The following NR2E3 variants were observed in gnomAD, a reference collection of about 807,000 sequenced individuals.
NR2E3 encodes photoreceptor-specific nuclear receptor.
In NR2E3, 38 loss-of-function variants were observed where a neutral mutation model predicts 37.6. The observed-to-expected ratio is 1.01, with a 90% CI of 0.78 to 1.33. The LOEUF (loss-of-function observed/expected upper bound fraction) is 1.33, where lower values mean the gene tolerates loss of function less well. NR2E3 is among the 40% of genes most tolerant of loss of function. The pLI is 0.00. For synonymous variants in NR2E3, 235 were observed against 225.1 expected, an observed-to-expected ratio of 1.04 and a Z score of -0.39; for missense variants, 562 against 558.7, an observed-to-expected ratio of 1.01 and a Z score of -0.06.
chr15:71,817,089 CT>C (rs1306321239), intron 7 of NR2E3, among the ~76,000 whole-genome samples: 1 of 146,310 alleles, frequency 6.8e-6, no homozygotes, highest in Non-Finnish European at 1.5e-5. Context: ...GTTAATGCGG[CT>C]TTTCTTTTTT....
intron 7 of NR2E3, among the ~76,000 whole-genome samples, chr15:71,815,728 A>G (rs1179641721): frequency 6.6e-6 from 1 of 152,168 alleles, no homozygotes; most frequent in Non-Finnish European, 1.5e-5. Flanking sequence ...GCCCCCTGAT[A>G]TGCACACAGA....
In NR2E3 at chr15:71,812,331, A is replaced by G; in HGVS notation, c.572-5A>G. The G allele has an allele frequency of 6.2e-7, 1 of 1,613,518 alleles. No homozygotes were observed. On this transcript the variant is annotated splice_polypyrimidine_tract_variant and splice_region_variant and intron_variant, in intron 4 of 7. Transcript: ENST00000617575. ...CGCTAAGATCACAACCTCCTCCTCCAACAGCTGATGAGAATATTGATGTCA... is the reference window on the plus strand; with the variant it reads ...CGCTAAGATCACAACCTCCTCCTCCGACAGCTGATGAGAATATTGATGTCA...
chr15:71,816,314 G>A lies in NR2E3; in HGVS notation c.1101-1238G>A, dbSNP rs569371982. On this transcript the variant is annotated intron_variant, in intron 7 of 7. Transcript: ENST00000617575. ...CTCTCTCTGTCACCCAGGCTGGAGC[G>A]CAGTGGCGTGATCTCGGTTCACTGC... Among the ~76,000 whole-genome samples, 10 of 146,416 alleles carry A rather than the reference G, an allele frequency of 6.8e-5. 1 individual carries two copies. The South Asian group carries it at 1.7e-3, about 25-fold the overall frequency.
intron 1 of NR2E3, 77 bp downstream of exon 1, chr15:71,810,938 A>G (rs1361691529): frequency 1.4e-6 from 2 of 1,389,684 alleles, no homozygotes; most frequent in Non-Finnish European, 1.9e-6. Flanking sequence ...CGCAGGGACC[A>G]TGGAAGGAGC....
chr15:71,813,912 A>T lies in NR2E3; in HGVS notation c.995-100A>T. 6.5e-7 allele frequency: 1 copy of T among 1,542,824 alleles called. No homozygotes were observed. The highest frequency in any genetic ancestry group is 8.7e-7 in the Non-Finnish European group (1 of 1,146,822). On this transcript the variant is annotated intron_variant, in intron 6 of 7. Transcript: ENST00000617575. This position sits in a 1 kb window ranked among gnomAD's most constrained non-coding sequence, Gnocchi z 4.7. ...GGCAGAGCCCACCCCACAGGGCCCCAGGTCCATGTCTGCAGCCAGAACCCT... is the reference window on the plus strand; with the variant it reads ...GGCAGAGCCCACCCCACAGGGCCCCTGGTCCATGTCTGCAGCCAGAACCCT...
rs1352056746 is a variant in NR2E3, at chr15:71,811,355, G to A, written c.119-128G>A. 6.3e-6 allele frequency: 5 copies of A among 792,586 alleles called. No homozygotes were observed. The highest frequency in any genetic ancestry group is 1.7e-5 in the South Asian group (1 of 57,962). 49.1% of individuals were successfully genotyped at this position (792,586 alleles called of 1,614,324 possible). A position where few individuals can be genotyped will look rare whatever the true frequency, so the allele number is the denominator to read the frequency against. ...ACTTCTCCAGATGGAAGAGTCACGC[G>A]TGGGTTCGTTCAAATGCGGGTGAGC... On this transcript the variant is annotated intron_variant, in intron 1 of 7. Coordinates refer to ENST00000617575, the MANE Select transcript of NR2E3 (RefSeq NM_014249.4). This position sits in a 1 kb window ranked among gnomAD's most constrained non-coding sequence, Gnocchi z 5.6.
At chr15:71,812,284 C>T in intron 4 of NR2E3, 52 bp from the exon 5 acceptor site, 1 of 1,613,056 alleles carries the variant, frequency 6.2e-7, no homozygotes, top group Non-Finnish European at 8.5e-7. Context: ...CAAGTACTCC[C>T]TGCCACCTCC....
chr15:71,812,557 A>G (rs1342186774), intron 5 of NR2E3, 46 bp downstream of exon 5: 3 of 1,533,412 alleles, frequency 2.0e-6, no homozygotes, highest in Non-Finnish European at 2.6e-6. Flanking sequence ...GGCTGGGGTC[A>G]GGCGGCCCAC....
In NR2E3 at chr15:71,813,967, C is replaced by T. The variant is rs755136911; in HGVS notation, c.995-45C>T. 7.6e-6 allele frequency: 12 copies of T among 1,582,652 alleles called. No individual in the cohort carries two copies. The highest frequency in any genetic ancestry group is 1.0e-5 in the Non-Finnish European group (12 of 1,165,822). ...CACCACTTCATGGCCAGCCTTATAACAGCCGTAAACCTGTGCTAAGCTCAC... is the reference window on the plus strand; with the variant it reads ...CACCACTTCATGGCCAGCCTTATAATAGCCGTAAACCTGTGCTAAGCTCAC... On this transcript the variant is annotated intron_variant, in intron 6 of 7. Transcript: ENST00000617575. This position sits in a 1 kb window ranked among gnomAD's most constrained non-coding sequence, Gnocchi z 4.7.
rs767304567 is a variant in NR2E3 at position 71,811,586 on chromosome 15, C to T, written c.222C>T (p.Ser74=). Residue 74 remains serine (S), a synonymous_variant, in exon 2 of 8, where the codon AGC becomes AGT. Transcript: ENST00000617575. The surrounding 1 kb of genome is among the most constrained non-coding windows in gnomAD (Gnocchi z 5.6). ...GCTGCAGCGGCTTCTTCAAGAGGAG[C>T]GTACGGCGGAGGCTCATCTACAGGT... ...CNGCSGFFKR[S]VRRRLIYRCQ... The T allele has an allele frequency of 2.3e-5, 37 of 1,604,002 alleles. No individual in the cohort carries two copies. The East Asian group carries it at 3.8e-4, about 17-fold the overall frequency.
intron 7 of NR2E3, chr15:71,814,940 T>C (rs2054216023): frequency 2.0e-6 from 2 of 978,770 alleles, no homozygotes; most frequent in Non-Finnish European, 2.4e-6. Flanking sequence ...GGAGAAGACA[T>C]TGTTAAAAAT....
At chr15:71,816,257 C>CTTTTTTT (rs59789846) in intron 7 of NR2E3, among the ~76,000 whole-genome samples, 1 of 121,992 alleles carries the variant, frequency 8.2e-6, no homozygotes, top group Non-Finnish European at 1.7e-5. Flanking sequence ...TTAGCAAATA[C>CTTTTTTT]TTTTTTTTTT....
At chr15:71,816,257 C>CTTTTTTTTTT (rs59789846) in intron 7 of NR2E3, among the ~76,000 whole-genome samples, 1 of 121,992 alleles carries the variant, frequency 8.2e-6, no homozygotes, top group Non-Finnish European at 1.7e-5. Flanking sequence ...TTAGCAAATA[C>CTTTTTTTTTT]TTTTTTTTTT....
chr15:71,810,584 T>G lies in NR2E3; in HGVS notation c.-160T>G. ...TCTCCTCAAGCCAGAGCCTGTGCTG[T>G]GAGGGGCTTCGGGACCTTGGGGCAG... is the stretch of plus-strand genomic sequence containing the variant. On this transcript the variant is annotated 5_prime_UTR_variant, in exon 1 of 8. Transcript: ENST00000617575. The G allele has an allele frequency of 9.3e-7, 1 of 1,072,268 alleles. No individual in the cohort carries two copies. Among genetic ancestry groups the G allele is most frequent in the Non-Finnish European group, 1.3e-6 (1 of 758,596 alleles). The allele number at this position is 1,072,268 out of a possible 1,614,324, so 66.4% of individuals were successfully genotyped here. A position where few individuals can be genotyped will look rare whatever the true frequency, so the allele number is the denominator to read the frequency against.
intron 7 of NR2E3, among the ~76,000 whole-genome samples, chr15:71,816,257 C>CTTT (rs59789846): frequency 0.021 from 2,545 of 121,932 alleles, 71 homozygotes; most frequent in East Asian, 0.15. Flanking sequence ...TTAGCAAATA[C>CTTT]TTTTTTTTTT....
At position 71,817,693 on chromosome 15, in the gene NR2E3, G is replaced by C; in HGVS notation, c.*9G>C. The C allele has an allele frequency of 6.3e-7, 1 of 1,587,094 alleles. No individual in the cohort carries two copies. Among genetic ancestry groups the C allele is most frequent in the Non-Finnish European group, 8.6e-7 (1 of 1,158,238 alleles). On this transcript the variant is annotated 3_prime_UTR_variant, in exon 8 of 8. Transcript: ENST00000617575. ...ATATGTTCAAAAACTAGTGGGGGTG[G>C]AGGTGAAATGTTTCCAAGCACTCTG...
Position 71,814,014 on chromosome 15 carries a change from A to T in NR2E3, c.997A>T (p.Thr333Ser). Reference protein sequence around the residue: ...MKALVLFKPETRGLKDPEHVE... With the variant: ...MKALVLFKPESRGLKDPEHVE... ...TCACTGGTGCTGCTTCTCCCCAGAG[A>T]CGCGGGGCCTGAAGGATCCTGAGCA... Residue 333 changes from threonine (T) to serine (S), a missense_variant and splice_region_variant, in exon 7 of 8, where the codon ACG (threonine) becomes TCG (serine). Coordinates refer to ENST00000617575, the MANE Select transcript of NR2E3 (RefSeq NM_014249.4). 1 of 1,611,058 alleles carries T rather than the reference A, an allele frequency of 6.2e-7. No individual in the cohort carries two copies. Among genetic ancestry groups the T allele is most frequent in the Non-Finnish European group, 8.5e-7 (1 of 1,179,072 alleles).
intron 7 of NR2E3, among the ~76,000 whole-genome samples, chr15:71,815,193 C>T (rs1171377280): frequency 6.6e-6 from 1 of 152,150 alleles, no homozygotes; most frequent in Non-Finnish European, 1.5e-5. Context: ...GAACATTTGG[C>T]CTTCAGGCAT....
Position 71,810,765 on chromosome 15 carries a change from C to A in NR2E3, c.22C>A (p.Leu8Met). 6.4e-7 allele frequency: 1 copy of A among 1,574,198 alleles called. No individual in the cohort carries two copies. Among genetic ancestry groups the A allele is most frequent in the East Asian group, 2.4e-5 (1 of 42,360 alleles). Reference protein sequence around the residue: METRPTALMSSTVAAAAP... With the variant: METRPTAMMSSTVAAAAP... ...ACCCATGGAGACCAGACCAACAGCTCTGATGAGCTCCACAGTGGCTGCAGC... is the reference window on the plus strand; with the variant it reads ...ACCCATGGAGACCAGACCAACAGCTATGATGAGCTCCACAGTGGCTGCAGC... Residue 8 changes from leucine (L) to methionine (M), a missense_variant, in exon 1 of 8, where the codon CTG becomes ATG. Coordinates refer to ENST00000617575, the MANE Select transcript of NR2E3 (RefSeq NM_014249.4).
Sources: gnomAD v4.1 joint callset for allele counts (sites outside exome capture counted in the v4.1 genomes callset) on GRCh38, gnomAD v4.1.1 for gene constraint, Gnocchi (gnomAD v3.1) non-coding constraint, MANE v1.5 for transcripts, NCBI Gene and HGNC (gene_info 2026-07-23, HGNC 2026-07-21) for gene names.